PRIM2: variants seen among roughly 807,000 people sequenced by gnomAD.
PRIM2 encodes DNA primase subunit 2, also known as DNA primase large subunit.
A neutral mutation model predicts 67.3 loss-of-function variants in PRIM2; 39 were observed. The ratio of observed to expected loss-of-function variants is 0.58; its 90% CI spans 0.45 to 0.76. The LOEUF is 0.76. Ranked by LOEUF, PRIM2 falls within the 30% of genes least tolerant of loss-of-function variation. The pLI is 0.00. For synonymous variants in PRIM2, 143 were observed against 198.7 expected (o/e 0.72, Z 2.36); for missense variants, 398 against 598.7 (o/e 0.66, Z 3.50).
upstream of PRIM2, among the ~76,000 whole-genome samples, chr6:57,315,795 T>C (rs1767470030): frequency 6.6e-6 from 1 of 152,180 alleles, no homozygotes; most frequent in African/African-American, 2.4e-5. Flanking sequence ...ATACTTTTTA[T>C]GGTCAAGTCT....
At chr6:57,526,424 C>A (rs1213306128) in intron 8 of PRIM2, among the ~76,000 whole-genome samples, 9 of 152,066 alleles carry the variant, frequency 5.9e-5, no homozygotes, top group Admixed American at 4.6e-4. Flanking sequence ...TTGTCTTTTT[C>A]CTTTTAAACT....
intron 7 of PRIM2, among the ~76,000 whole-genome samples, chr6:57,419,802 TGTAA>T (rs1400487877): frequency 1.3e-5 from 2 of 152,214 alleles, no homozygotes; most frequent in Non-Finnish European, 2.9e-5. Flanking sequence ...GTCTTGCTAA[TGTAA>T]GTGTTACTCC....
At chr6:57,635,910 T>C (rs1777113970) in intron 13 of PRIM2, among the ~76,000 whole-genome samples, 1 of 152,184 alleles carries the variant, frequency 6.6e-6, no homozygotes, top group Non-Finnish European at 1.5e-5. Flanking sequence ...AGGAACCTGC[T>C]TTTTAAAATT....
chr6:57,379,812 A>C (rs142076142), intron 5 of PRIM2, 89 bp from the exon 6 acceptor site: 1 of 1,170,766 alleles, frequency 8.5e-7, no homozygotes, highest in South Asian at 1.8e-5. Context: ...TAATAAAAGT[A>C]AACAGTATTC....
At chr6:57,434,921 C>T (rs1351338878) in intron 7 of PRIM2, 2 of 151,738 alleles carry the variant, frequency 1.3e-5, no homozygotes, top group African/African-American at 4.8e-5. Flanking sequence ...ACTACAGGCA[C>T]ATGCCACCAT....
chr6:57,256,567 C>A, the PRIM2 span, among the ~76,000 whole-genome samples: 6 of 151,758 alleles, frequency 4.0e-5, no homozygotes, highest in Non-Finnish European at 7.4e-5. Context: ...ATTGCGTTAT[C>A]TTTTCTAACA....
At chr6:57,338,770 A>T (rs960240295) in intron 5 of PRIM2, among the ~76,000 whole-genome samples, 2 of 128,554 alleles carry the variant, frequency 1.6e-5, no homozygotes, top group Admixed American at 1.5e-4. Context: ...CAAAAACGGG[A>T]AGCATTCCCT....
intron 7 of PRIM2, among the ~76,000 whole-genome samples, chr6:57,441,754 T>G (rs1230409220): frequency 6.6e-6 from 1 of 152,214 alleles, no homozygotes; most frequent in Non-Finnish European, 1.5e-5. Context: ...CCATCATTCT[T>G]TGTAGATATC....
At chr6:57,362,917 TG>T (rs1357178117) in intron 5 of PRIM2, among the ~76,000 whole-genome samples, 5 of 152,212 alleles carry the variant, frequency 3.3e-5, no homozygotes, top group African/African-American at 1.2e-4. Context: ...TTCAAAGACT[TG>T]ATCAGTTTAA....
chr6:57,489,943 T>G (rs1296525545), intron 7 of PRIM2, among the ~76,000 whole-genome samples: 1 of 150,302 alleles, frequency 6.7e-6, no homozygotes, highest in Non-Finnish European at 1.5e-5. Context: ...TTTTTTTTTT[T>G]GTCTTTGAAG....
At chr6:57,476,167 T>C (rs1773473933) in intron 7 of PRIM2, among the ~76,000 whole-genome samples, 1 of 152,190 alleles carries the variant, frequency 6.6e-6, no homozygotes, top group Non-Finnish European at 1.5e-5. Flanking sequence ...TGAGTCATTA[T>C]TGGAATTATT....
At chr6:57,597,830 T>C (rs1378228650) in intron 10 of PRIM2, among the ~76,000 whole-genome samples, 1 of 152,228 alleles carries the variant, frequency 6.6e-6, no homozygotes, top group Non-Finnish European at 1.5e-5. Flanking sequence ...TTCCAAAATA[T>C]GGCCTGCCCA....
At chr6:57,558,222 C>G (rs1394589924) in intron 10 of PRIM2, among the ~76,000 whole-genome samples, 6 of 152,228 alleles carry the variant, frequency 3.9e-5, no homozygotes, top group African/African-American at 1.4e-4. Flanking sequence ...AGCACAGTGT[C>G]TGATACATAG....
intron 10 of PRIM2, among the ~76,000 whole-genome samples, chr6:57,545,461 G>T (rs1186828288): frequency 6.6e-6 from 1 of 151,982 alleles, no homozygotes; most frequent in African/African-American, 2.4e-5. Context: ...ATGGAGTTTC[G>T]CTCTTGTTGC....
At chr6:57,419,410 C>T (rs1374023368) in intron 7 of PRIM2, among the ~76,000 whole-genome samples, 1 of 152,064 alleles carries the variant, frequency 6.6e-6, no homozygotes, top group Non-Finnish European at 1.5e-5. Flanking sequence ...CTTGTTATTT[C>T]CAATTTATAA....
chr6:57,364,129 A>G (rs897758211), intron 5 of PRIM2, among the ~76,000 whole-genome samples: 5 of 150,130 alleles, frequency 3.3e-5, no homozygotes, highest in African/African-American at 1.2e-4. Context: ...TTCCTTGCAG[A>G]TATTTTAATA....
At chr6:57,506,782 G>A (rs1774259689) in intron 7 of PRIM2, among the ~76,000 whole-genome samples, 1 of 152,036 alleles carries the variant, frequency 6.6e-6, no homozygotes, top group Non-Finnish European at 1.5e-5. Flanking sequence ...ATGCTGTCAA[G>A]TTGGTACACA....
chr6:57,297,550 G>A, the PRIM2 span, among the ~76,000 whole-genome samples: 1 of 152,174 alleles, frequency 6.6e-6, no homozygotes, highest in African/African-American at 2.4e-5. Flanking sequence ...CACATGATGA[G>A]AAACAGGATA....
the PRIM2 span, among the ~76,000 whole-genome samples, chr6:57,238,821 A>G: frequency 6.6e-6 from 1 of 152,224 alleles, no homozygotes; most frequent in African/African-American, 2.4e-5. Flanking sequence ...CGCTAGCAAG[A>G]CTAATAAAGC....
Sources: allele counts gnomAD v4.1 joint callset (sites outside exome capture counted in the v4.1 genomes callset), GRCh38; gene constraint gnomAD v4.1.1; transcripts MANE v1.5; gene names NCBI Gene and HGNC (gene_info 2026-07-23, HGNC 2026-07-21).